SAMD4A: variants seen among roughly 807,000 people sequenced by gnomAD.
SAMD4A encodes the protein protein Smaug homolog 1.
A neutral mutation model predicts 81.3 loss-of-function variants in SAMD4A; 33 were observed. The ratio of observed to expected loss-of-function variants is 0.41; its 90% CI spans 0.31 to 0.54. The LOEUF (loss-of-function observed/expected upper bound fraction) is 0.54. Among genes scored for constraint, SAMD4A ranks in the 20% least tolerant of loss-of-function variants. The pLI, the probability that SAMD4A is intolerant of heterozygous loss-of-function variation, is 0.37. For missense variants in SAMD4A, 854 were observed against 951.1 expected (o/e 0.90, Z 1.34); for synonymous variants, 389 against 382.1 (o/e 1.02, Z -0.21).
At chr14:54,600,514 A>G (rs754659168) in intron 2 of SAMD4A, among the ~76,000 whole-genome samples, 9 of 152,224 alleles carry the variant, frequency 5.9e-5, no homozygotes, top group Non-Finnish European at 1.2e-4. Context: ...ACTACACTGC[A>G]GTGTCTTTGT....
chr14:54,660,223 A>G (rs1252067342), intron 2 of SAMD4A, among the ~76,000 whole-genome samples: 2 of 152,042 alleles, frequency 1.3e-5, no homozygotes, highest in African/African-American at 4.8e-5. Context: ...ATTTCCTTTC[A>G]TCCTCATAGG....
chr14:54,771,589 C>T (rs913531572), intron 9 of SAMD4A, among the ~76,000 whole-genome samples: 3 of 152,216 alleles, frequency 2.0e-5, no homozygotes, highest in Non-Finnish European at 2.9e-5. Context: ...CTGAGGATTC[C>T]CGATGGCCCA....
At chr14:54,732,625 A>C (rs576919409) in intron 3 of SAMD4A, among the ~76,000 whole-genome samples, 1 of 152,300 alleles carries the variant, frequency 6.6e-6, no homozygotes, top group South Asian at 2.1e-4. Flanking sequence ...TACGCAATGT[A>C]TCTTTGACAA....
intron 2 of SAMD4A, among the ~76,000 whole-genome samples, chr14:54,681,001 T>C (rs953834683): frequency 1.3e-5 from 2 of 152,180 alleles, no homozygotes; most frequent in Admixed American, 6.5e-5. Context: ...AAATTTCTAA[T>C]GTCCGTCAAG....
intron 2 of SAMD4A, among the ~76,000 whole-genome samples, chr14:54,593,974 T>G (rs1388655299): frequency 6.6e-6 from 1 of 152,134 alleles, no homozygotes; most frequent in Non-Finnish European, 1.5e-5. Flanking sequence ...GTAGTATTTG[T>G]TGAAATTTTC....
intron 11 of SAMD4A, among the ~76,000 whole-genome samples, chr14:54,781,159 G>C (rs565527837): frequency 1.3e-5 from 2 of 152,200 alleles, no homozygotes; most frequent in Non-Finnish European, 2.9e-5. Flanking sequence ...GGCAAAACGG[G>C]ATTCTATAGA....
intron 2 of SAMD4A, among the ~76,000 whole-genome samples, chr14:54,653,297 C>T (rs938467989): frequency 9.0e-5 from 12 of 133,488 alleles, no homozygotes; most frequent in African/African-American, 3.4e-4. Flanking sequence ...AAGACTTCCT[C>T]TTAATATTAT....
chr14:54,695,709 C>T (rs1254165050), intron 2 of SAMD4A, among the ~76,000 whole-genome samples: 16 of 152,028 alleles, frequency 1.1e-4, no homozygotes, highest in Admixed American at 1.0e-3. Context: ...AATCCCAGCA[C>T]TTTGGGAGGC....
intron 3 of SAMD4A, among the ~76,000 whole-genome samples, chr14:54,730,602 G>A (rs1213192446): frequency 6.6e-6 from 1 of 152,232 alleles, no homozygotes; most frequent in East Asian, 1.9e-4. Context: ...CAGAGAGCAA[G>A]CATGCAGAGT....
intron 2 of SAMD4A, chr14:54,652,562 A>T (rs561009946): frequency 1.3e-5 from 2 of 152,144 alleles, no homozygotes; most frequent in African/African-American, 4.8e-5. Context: ...TGTGATTTTC[A>T]TTTAAATCAC....
chr14:54,598,372 G>C (rs1208273384), intron 2 of SAMD4A, among the ~76,000 whole-genome samples: 1 of 152,098 alleles, frequency 6.6e-6, no homozygotes, highest in Non-Finnish European at 1.5e-5. Context: ...AATACTGTAT[G>C]CATCCTATTT....
intron 2 of SAMD4A, among the ~76,000 whole-genome samples, chr14:54,596,568 T>C (rs914944592): frequency 3.9e-5 from 6 of 152,222 alleles, no homozygotes; most frequent in African/African-American, 1.4e-4. Context: ...CTGGGTGATA[T>C]AGTGAGACTG....
chr14:54,764,159 G>A (rs549311422), intron 7 of SAMD4A, among the ~76,000 whole-genome samples: 120 of 152,190 alleles, frequency 7.9e-4, no homozygotes, highest in Non-Finnish European at 1.1e-3. Context: ...AGCTCAGGAC[G>A]CCACTATTCA....
chr14:54,726,233 C>A (rs2037412312), intron 3 of SAMD4A, among the ~76,000 whole-genome samples: 1 of 152,128 alleles, frequency 6.6e-6, no homozygotes, highest in Non-Finnish European at 1.5e-5. Context: ...TTCCTACTTA[C>A]AAGGGTGAAA....
At chr14:54,626,088 G>A (rs1269207737) in intron 2 of SAMD4A, among the ~76,000 whole-genome samples, 1 of 151,182 alleles carries the variant, frequency 6.6e-6, no homozygotes, top group Non-Finnish European at 1.5e-5. Flanking sequence ...GTGCGCACAT[G>A]TGCATGCATG....
chr14:54,759,706 G>A (rs989032879), intron 6 of SAMD4A, among the ~76,000 whole-genome samples: 3 of 152,132 alleles, frequency 2.0e-5, no homozygotes, highest in South Asian at 2.1e-4. Flanking sequence ...GCTCTTAATC[G>A]CTACCCTGTG....
intron 2 of SAMD4A, among the ~76,000 whole-genome samples, chr14:54,572,927 A>G (rs895095390): frequency 6.6e-6 from 1 of 152,242 alleles, no homozygotes; most frequent in Non-Finnish European, 1.5e-5. Context: ...CCCTAAAAAG[A>G]TATAAGTCTA....
chr14:54,604,971 C>A (rs2034159813), intron 2 of SAMD4A, among the ~76,000 whole-genome samples: 1 of 152,108 alleles, frequency 6.6e-6, no homozygotes, highest in African/African-American at 2.4e-5. Context: ...CAGTGAATAC[C>A]AAGTGAGAGT....
intron 2 of SAMD4A, among the ~76,000 whole-genome samples, chr14:54,648,124 G>A (rs2140411711): frequency 6.6e-6 from 1 of 152,322 alleles, no homozygotes; most frequent in Non-Finnish European, 1.5e-5. Context: ...GGAGGGGAAT[G>A]GAGGCTGACT....
Sources: allele counts gnomAD v4.1 joint callset (sites outside exome capture counted in the v4.1 genomes callset), GRCh38; gene constraint gnomAD v4.1.1; transcripts MANE v1.5; gene names NCBI Gene and HGNC (gene_info 2026-07-23, HGNC 2026-07-21).